FGD6: variants seen among roughly 807,000 people sequenced by gnomAD.
FGD6 encodes the protein FYVE, RhoGEF and PH domain containing 6.
Under a neutral mutation model 149.4 loss-of-function variants are expected in FGD6, and 90 were observed. The ratio of observed to expected loss-of-function variants is 0.60; its 90% CI spans 0.51 to 0.72. The LOEUF (loss-of-function observed/expected upper bound fraction) is 0.72. Ranked by LOEUF, FGD6 falls within the 30% of genes least tolerant of loss-of-function variation. The pLI is 0.00. For synonymous variants in FGD6, 527 were observed against 584.0 expected, an observed-to-expected ratio of 0.90 and a Z score of 1.41; for missense variants, 1,437 against 1,684.8, an observed-to-expected ratio of 0.85 and a Z score of 2.57.
chr12:95,115,308 G>A (rs1243929160), intron 8 of FGD6, among the ~76,000 whole-genome samples: 1 of 151,782 alleles, frequency 6.6e-6, no homozygotes, highest in African/African-American at 2.4e-5. Context: ...TGCAATCATT[G>A]CTCACTACAG....
At chr12:95,124,808 T>C (rs1231673601) in intron 8 of FGD6, among the ~76,000 whole-genome samples, 1 of 152,192 alleles carries the variant, frequency 6.6e-6, no homozygotes, top group Non-Finnish European at 1.5e-5. Context: ...ACAGTATCAG[T>C]GATATCTGTG....
intron 6 of FGD6, among the ~76,000 whole-genome samples, chr12:95,139,974 C>G (rs1714920154): frequency 6.6e-6 from 1 of 152,128 alleles, no homozygotes; most frequent in African/African-American, 2.4e-5. Flanking sequence ...AGTCATTTCT[C>G]AGTCCTAAAT....
chr12:95,192,697 A>AC (rs1460165375), intron 2 of FGD6, among the ~76,000 whole-genome samples: 1 of 152,212 alleles, frequency 6.6e-6, no homozygotes, highest in Non-Finnish European at 1.5e-5. Flanking sequence ...ATGGAGAACA[A>AC]TGGGGAAGAT....
chr12:95,207,846 T>C (rs996858975), intron 2 of FGD6, among the ~76,000 whole-genome samples: 3 of 152,152 alleles, frequency 2.0e-5, no homozygotes, highest in Non-Finnish European at 2.9e-5. Context: ...GACTAGGTAA[T>C]TGTAGAAGCT....
intron 3 of FGD6, among the ~76,000 whole-genome samples, chr12:95,164,265 G>A (rs1230411311): frequency 1.3e-4 from 18 of 143,754 alleles, no homozygotes; most frequent in African/African-American, 3.9e-4. Flanking sequence ...TTTTTGAGAC[G>A]GAGTCTCGCT....
At chr12:95,090,274 C>A (rs1360968749) in intron 17 of FGD6, among the ~76,000 whole-genome samples, 2 of 151,960 alleles carry the variant, frequency 1.3e-5, no homozygotes, top group Non-Finnish European at 2.9e-5. Flanking sequence ...AATCATCTAT[C>A]TGGAGAATAA....
intron 1 of FGD6, among the ~76,000 whole-genome samples, chr12:95,212,141 T>G (rs2056730840): frequency 6.6e-6 from 1 of 152,224 alleles, no homozygotes; most frequent in South Asian, 2.1e-4. Context: ...CAAGAGTTAT[T>G]GGTTGGGAAT....
intron 1 of FGD6, 130 bp downstream of exon 1, chr12:95,217,095 T>C (rs1055381983): frequency 2.8e-6 from 4 of 1,418,648 alleles, no homozygotes; most frequent in African/African-American, 1.4e-5. Context: ...AGCTCCGCGC[T>C]TGCCGAGGTG....
chr12:95,113,846 A>T (rs748145886), intron 8 of FGD6, 145 bp from the exon 9 acceptor site: 2 of 516,786 alleles, frequency 3.9e-6, no homozygotes, highest in Non-Finnish European at 3.4e-6. Flanking sequence ...ATGTGAAAAA[A>T]TAAAGCCCTG....
intron 1 of FGD6, among the ~76,000 whole-genome samples, chr12:95,212,552 A>G (rs2056733000): frequency 6.6e-6 from 1 of 152,186 alleles, no homozygotes; most frequent in African/African-American, 2.4e-5. Flanking sequence ...TATTGACCAC[A>G]TTTCCCCAAG....
intron 2 of FGD6, among the ~76,000 whole-genome samples, chr12:95,185,247 G>C (rs1365159594): frequency 6.6e-6 from 1 of 152,052 alleles, no homozygotes; most frequent in Non-Finnish European, 1.5e-5. Flanking sequence ...TTTATTTTTA[G>C]CTTCTTTGAT....
intron 8 of FGD6, among the ~76,000 whole-genome samples, chr12:95,129,818 G>T (rs897533955): frequency 6.6e-6 from 1 of 152,016 alleles, no homozygotes; most frequent in Non-Finnish European, 1.5e-5. Context: ...GATTATAGGC[G>T]CATGCTACCA....
Position 95,209,789 on chromosome 12 carries a change from G to A in FGD6, c.1495C>T (p.Pro499Ser). The A allele has an allele frequency of 1.2e-6, 2 of 1,611,792 alleles. No individual in the cohort carries two copies. The highest frequency in any genetic ancestry group is 1.7e-6 in the Non-Finnish European group (2 of 1,179,564). ...ENSLRIVPKKPQRHSLPATGV... is the reference protein window; with the variant it reads ...ENSLRIVPKKSQRHSLPATGV... ...GTAGCAGGCAAGCTATGTCTTTGAG[G>A]TTTTTTGGGGACAATTCGTAGAGAA... Residue 499 changes from proline to serine, a missense_variant, in exon 2 of 21, where the codon CCT (proline) becomes TCT (serine). By Grantham distance (74) the Pro-to-Ser change is moderately conservative. Coordinates refer to ENST00000343958, the MANE Select transcript of FGD6 (RefSeq NM_018351.4).
At position 95,081,556 on chromosome 12, in the gene FGD6, C is replaced by A; in HGVS notation, c.4257G>T (p.Lys1419Asn). 2 of 1,603,130 alleles carry A rather than the reference C, an allele frequency of 1.2e-6. No homozygotes were observed. The highest frequency in any genetic ancestry group is 1.7e-6 in the Non-Finnish European group (2 of 1,174,834). Reference sequence around the variant, plus strand: ...TGCCTTCCTGAAATGCTTCTATCCACCTATTGATAAGAGAAATCGGTTAGA... The same window carrying A: ...TGCCTTCCTGAAATGCTTCTATCCAACTATTGATAAGAGAAATCGGTTAGA... The part of the protein sequence containing the change: ...FKAEDAHSAQ[K>N]WIEAFQEGTI... Residue 1419 changes from lysine (K) to asparagine (N), a missense_variant and splice_region_variant, in exon 21 of 21, where the codon AAG becomes AAT. Lys to Asn is a moderately conservative substitution (Grantham distance 94, BLOSUM62 0). Around this residue, in one of 2 missense-constraint regions of FGD6, gnomAD observed 382 missense variants for 538.7 expected, o/e 0.71. Coordinates refer to ENST00000343958, the MANE Select transcript of FGD6 (RefSeq NM_018351.4).
intron 14 of FGD6, among the ~76,000 whole-genome samples, chr12:95,100,068 C>CA (rs1555216670): frequency 2.5e-4 from 25 of 99,554 alleles, no homozygotes; most frequent in African/African-American, 8.3e-4. Context: ...CCCCCCCCCC[C>CA]ACCCCATATA....
chr12:95,146,211 T>C (rs952325561), intron 5 of FGD6, among the ~76,000 whole-genome samples: 36 of 152,174 alleles, frequency 2.4e-4, no homozygotes, highest in African/African-American at 8.7e-4. Flanking sequence ...AATCTTTAAC[T>C]TCTCAGCTCT....
chr12:95,102,884 A>G (rs79892458), intron 14 of FGD6, among the ~76,000 whole-genome samples: 9,873 of 152,260 alleles, frequency 0.065, 420 homozygotes, highest in Middle Eastern at 0.11. Context: ...CTGAGCCTCC[A>G]TTTTTCTAAT....
intron 18 of FGD6, 124 bp from the exon 19 acceptor site, chr12:95,086,032 AT>A: frequency 1.0e-6 from 1 of 1,000,414 alleles, no homozygotes; most frequent in Non-Finnish European, 1.5e-6. Flanking sequence ...AATGAAATAT[AT>A]TTTCAAAGTG....
chr12:95,162,483 C>A (rs543449253), intron 3 of FGD6, among the ~76,000 whole-genome samples: 1 of 152,098 alleles, frequency 6.6e-6, no homozygotes, highest in Non-Finnish European at 1.5e-5. Flanking sequence ...GTCAAGATTG[C>A]GCCACTGTAC....
Sources: allele counts gnomAD v4.1 joint callset (sites outside exome capture counted in the v4.1 genomes callset), GRCh38; gene constraint gnomAD v4.1.1; regional missense constraint gnomAD v4.1.1; transcripts MANE v1.5; gene names NCBI Gene and HGNC (gene_info 2026-07-23, HGNC 2026-07-21).